The following MINDY4B variants were observed in gnomAD, a reference collection of about 807,000 sequenced individuals.
MINDY4B encodes MINDY family member 4B.
MINDY4B carries 25 observed loss-of-function variants against 16.7 expected under a neutral mutation model. The ratio of observed to expected loss-of-function variants is 1.49; its 90% CI spans 1.09 to 2.09. The LOEUF is 2.09. MINDY4B is among the 30% of genes most tolerant of loss of function. MINDY4B has a pLI of 0.00. For synonymous variants in MINDY4B, 132 were observed against 61.9 expected, an observed-to-expected ratio of 2.13 and a Z score of -5.32; for missense variants, 327 against 168.4, an observed-to-expected ratio of 1.94 and a Z score of -5.21.
chr3:150,899,282 A>G (rs1712052614), intron 3 of MINDY4B, among the ~76,000 whole-genome samples: 1 of 152,224 alleles, frequency 6.6e-6, no homozygotes, highest in African/African-American at 2.4e-5. Context: ...AAGCCTTTCA[A>G]CTTGTACCAG....
At chr3:150,884,008 G>A (rs1711567103) in intron 8 of MINDY4B, among the ~76,000 whole-genome samples, 1 of 152,216 alleles carries the variant, frequency 6.6e-6, no homozygotes, top group Non-Finnish European at 1.5e-5. Context: ...TGTCTCAAAT[G>A]TTCGAATCCC....
chr3:150,873,439 C>G (rs189862244), intron 10 of MINDY4B, 72 bp from the exon 11 acceptor site: 1 of 654,952 alleles, frequency 1.5e-6, no homozygotes, highest in East Asian at 2.7e-5. Context: ...GATACATGAT[C>G]GCGACCAAAA....
intron 3 of MINDY4B, chr3:150,901,191 CA>C (rs1712106390): frequency 2.0e-5 from 3 of 152,200 alleles, no homozygotes; most frequent in Admixed American, 6.5e-5. Context: ...TAAAGTTTTT[CA>C]TTAAAAACAT....
intron 10 of MINDY4B, among the ~76,000 whole-genome samples, chr3:150,882,117 C>T (rs1450385086): frequency 3.3e-5 from 5 of 152,162 alleles, no homozygotes; most frequent in Non-Finnish European, 7.3e-5. Context: ...GTTTCAAGGC[C>T]ATTCCAGAAA....
chr3:150,893,541 G>T (rs1273699534), intron 4 of MINDY4B, 126 bp from the exon 5 acceptor site: 1 of 665,842 alleles, frequency 1.5e-6, no homozygotes, highest in Non-Finnish European at 2.7e-6. Context: ...TGCTATATTT[G>T]TGCCACTCCT....
At chr3:150,884,581 T>C (rs1711577593) in intron 8 of MINDY4B, among the ~76,000 whole-genome samples, 1 of 152,204 alleles carries the variant, frequency 6.6e-6, no homozygotes, top group African/African-American at 2.4e-5. Context: ...AGGAAGAGCT[T>C]GATATTTAAA....
intron 8 of MINDY4B, among the ~76,000 whole-genome samples, chr3:150,884,846 C>T (rs181184904): frequency 2.9e-4 from 44 of 152,294 alleles, no homozygotes; most frequent in Admixed American, 1.3e-3. Flanking sequence ...CACTGAGACT[C>T]ATTCTCTTTA....
At chr3:150,877,991 C>A (rs1282893015) in intron 10 of MINDY4B, among the ~76,000 whole-genome samples, 1 of 152,026 alleles carries the variant, frequency 6.6e-6, no homozygotes, top group Non-Finnish European at 1.5e-5. Flanking sequence ...GGTTCATATC[C>A]CTGGCTCTGA....
At chr3:150,897,239 CAG>C (rs1020258172) in intron 3 of MINDY4B, among the ~76,000 whole-genome samples, 4 of 151,574 alleles carry the variant, frequency 2.6e-5, no homozygotes, top group Admixed American at 2.0e-4. Context: ...GGAGACTAGA[CAG>C]AGAGAAAGAT....
intron 7 of MINDY4B, among the ~76,000 whole-genome samples, chr3:150,888,431 G>A (rs534038428): frequency 6.6e-6 from 1 of 152,130 alleles, no homozygotes; most frequent in East Asian, 1.9e-4. Flanking sequence ...TATCATTTTG[G>A]AGGGACACAG....
Position 150,880,200 on chromosome 3 carries a change from C to T in MINDY4B, c.1059+2697G>A, listed in dbSNP as rs376610719. 1.3e-4 allele frequency among the ~76,000 whole-genome samples: 20 copies of T among 152,314 alleles called. No homozygotes were observed. In the South Asian group the frequency reaches 3.3e-3, roughly 25 times the overall value. ...GGTAAAACTGGTACAAGTCACACAC[C>T]TGTGAGTGGCATGGTAAGGCCTCCA... On this transcript the variant is annotated intron_variant, in intron 10 of 11. Transcript: ENST00000465419.
At chr3:150,894,570 C>G (rs1166750429) in intron 3 of MINDY4B, among the ~76,000 whole-genome samples, 1 of 152,152 alleles carries the variant, frequency 6.6e-6, no homozygotes, top group African/African-American at 2.4e-5. Context: ...AGCTCTTGCC[C>G]CATACCCATG....
At chr3:150,905,164 C>G (rs1272202684) in intron 1 of MINDY4B, 75 bp from the exon 2 acceptor site, 1 of 398,304 alleles carries the variant, frequency 2.5e-6, no homozygotes, top group East Asian at 3.6e-5. Context: ...CTCCCAAACC[C>G]CAACCTTGCT....
At chr3:150,901,684 C>T (rs1017681117) in intron 3 of MINDY4B, among the ~76,000 whole-genome samples, 3 of 151,872 alleles carry the variant, frequency 2.0e-5, no homozygotes, top group African/African-American at 7.3e-5. Flanking sequence ...CCATGCCTGG[C>T]TAATTTTTGT....
At chr3:150,903,449 C>A in intron 2 of MINDY4B, 33 bp from the exon 3 acceptor site, 3 of 398,454 alleles carry the variant, frequency 7.5e-6, no homozygotes, top group Non-Finnish European at 1.3e-5. Flanking sequence ...AAAGACAAAG[C>A]AAACAGAGCT....
chr3:150,893,189 G>A (rs1344894243), intron 5 of MINDY4B, 135 bp downstream of exon 5: 1 of 641,492 alleles, frequency 1.6e-6, no homozygotes, highest in African/African-American at 1.8e-5. Flanking sequence ...AGCCTCTCTG[G>A]GACAGACAGG....
At position 150,883,068 on chromosome 3, in the gene MINDY4B, A is replaced by G. The variant is rs200091135; in HGVS notation, c.898-10T>C. 55 of 683,766 alleles carry G rather than the reference A, an allele frequency of 8.0e-5. No homozygotes were observed. The highest frequency in any genetic ancestry group is 1.3e-4 in the Non-Finnish European group (47 of 375,338). The allele number at this position is 683,766 out of a possible 1,614,324, so 42.4% of individuals were successfully genotyped here. Reference sequence around the variant, plus strand: ...TCATGTTCAGAACTGCCTAGAGAGCATATTTTACAGATACTTATATTTTAG... The same window carrying G: ...TCATGTTCAGAACTGCCTAGAGAGCGTATTTTACAGATACTTATATTTTAG... On this transcript the variant is annotated splice_polypyrimidine_tract_variant and intron_variant, in intron 9 of 11. Transcript: ENST00000465419.
chr3:150,889,033 T>C (rs1460323903), intron 7 of MINDY4B, among the ~76,000 whole-genome samples: 1 of 152,180 alleles, frequency 6.6e-6, no homozygotes, highest in Admixed American at 6.5e-5. Context: ...CAACAAAGAA[T>C]CCCTAAGCAG....
Position 150,870,883 on chromosome 3 carries a change from C to T in MINDY4B, c.*162G>A, listed in dbSNP as rs1286289642. On this transcript the variant is annotated 3_prime_UTR_variant, in exon 12 of 12. Transcript: ENST00000465419. ...TACAATGCTGACAGCTAGGGATTTA[C>T]CAGAGACTTAAAAAATGAAAAAACT... is the stretch of plus-strand genomic sequence containing the variant. 6.6e-6 allele frequency among the ~76,000 whole-genome samples: 1 copy of T among 152,072 alleles called. No individual in the cohort carries two copies.
Sources: gnomAD v4.1 joint callset for allele counts (sites outside exome capture counted in the v4.1 genomes callset) on GRCh38, gnomAD v4.1.1 for gene constraint, MANE v1.5 for transcripts, NCBI Gene and HGNC (gene_info 2026-07-23, HGNC 2026-07-21) for gene names.